The following THOC2 variants were observed in gnomAD, a reference collection of about 807,000 sequenced individuals.
The protein encoded by THOC2 is THO complex subunit 2.
In THOC2, 10 loss-of-function variants were observed where a neutral mutation model predicts 128.4. The observed-to-expected ratio is 0.08, with a 90% CI of 0.05 to 0.13. The LOEUF (loss-of-function observed/expected upper bound fraction) is 0.13, where lower values mean the gene tolerates loss of function less well. Among genes scored for constraint, THOC2 ranks in the 10% least tolerant of loss-of-function variants. The pLI, the probability that THOC2 is intolerant of heterozygous loss-of-function variation, is 1.00. For missense variants in THOC2, 535 were observed against 1,155.7 expected (o/e 0.46, Z 7.79); for synonymous variants, 393 against 396.9 (o/e 0.99, Z 0.12).
intron 12 of THOC2, among the ~76,000 whole-genome samples, chrX:123,647,840 C>CAAAAAAAAAAAAAAAAAAAAAAAAA (rs60123342): frequency 2.7e-5 from 1 of 37,516 alleles, no homozygotes. Flanking sequence ...GACTCTGTCT[C>CAAAAAAAAAAAAAAAAAAAAAAAAA]AAAAAAAAAA....
At chrX:123,662,604 A>G (rs987835270) in intron 12 of THOC2, among the ~76,000 whole-genome samples, 12 of 109,783 alleles carry the variant, frequency 1.1e-4, no homozygotes, top group Non-Finnish European at 1.9e-4. Context: ...AAAAAAAAAA[A>G]AAAAATACTA....
At chrX:123,605,778 A>G (rs753533606) in intron 38 of THOC2, among the ~76,000 whole-genome samples, 1 of 111,481 alleles carries the variant, frequency 9.0e-6, no homozygotes, top group African/African-American at 3.3e-5. Context: ...AATCTTCAGG[A>G]GCTTAGGAGG....
chrX:123,622,961 C>T, intron 29 of THOC2, 101 bp from the exon 30 acceptor site: 1 of 854,803 alleles, frequency 1.2e-6, no homozygotes, highest in Admixed American at 3.3e-5. Context: ...AAACAGCAAG[C>T]TGATTACTTC....
chrX:123,620,572 A>G (rs937786634), intron 32 of THOC2: 1 of 188,142 alleles, frequency 5.3e-6, no homozygotes, highest in African/African-American at 3.0e-5. Context: ...AATAGGCTTC[A>G]TTCTGCTGAA....
At chrX:123,605,466 A>G (rs2046430601) in intron 38 of THOC2, among the ~76,000 whole-genome samples, 1 of 111,487 alleles carries the variant, frequency 9.0e-6, no homozygotes, top group African/African-American at 3.3e-5. Flanking sequence ...AGCTCCTTAC[A>G]AGAGTCTAGT....
chrX:123,706,418 C>G (rs186385959), intron 3 of THOC2, among the ~76,000 whole-genome samples: 1 of 110,077 alleles, frequency 9.1e-6, no homozygotes, highest in Non-Finnish European at 1.9e-5. Flanking sequence ...ATGTGCACAA[C>G]GTGCAGGTTT....
chrX:123,635,115 G>A (rs940916743), intron 19 of THOC2, among the ~76,000 whole-genome samples: 10 of 110,692 alleles, frequency 9.0e-5, no homozygotes, highest in African/African-American at 2.9e-4. Flanking sequence ...TTTTTTTAAA[G>A]AAAGCCCTCA....
intron 33 of THOC2, among the ~76,000 whole-genome samples, chrX:123,618,934 G>T (rs977282533): frequency 1.8e-5 from 2 of 111,657 alleles, no homozygotes; most frequent in Non-Finnish European, 3.8e-5. Context: ...GATATATAAA[G>T]AATTTTTATA....
chrX:123,623,504 T>TC lies in THOC2; in HGVS notation c.3504-222_3504-221insG, dbSNP rs1298421332. On this transcript the variant is annotated intron_variant, in intron 28 of 38. Transcript: ENST00000245838. ...ACTAATCCTTAAACTAAGATGGCTT[T>TC]TTTTTTTTACTCTTGAAGATCTGTT... 12 of 573,247 alleles carry TC rather than the reference T, an allele frequency of 2.1e-5. No homozygotes were observed. The African/African-American group carries it at 2.6e-4, about 13-fold the overall frequency. The allele number at this position is 573,247 out of a possible 1,213,427, so 47.2% of individuals were successfully genotyped here.
intron 1 of THOC2, among the ~76,000 whole-genome samples, chrX:123,729,664 C>T (rs1777186139): frequency 8.9e-6 from 1 of 112,216 alleles, no homozygotes. Context: ...GAAAAATTCA[C>T]CCAAGGTATA....
rs767912178 is a variant in THOC2, at chrX:123,616,190, T to C, written c.4312-2001A>G. On this transcript the variant is annotated intron_variant, in intron 33 of 38. Coordinates refer to ENST00000245838, the MANE Select transcript of THOC2 (RefSeq NM_001081550.2). The stretch of plus-strand genomic sequence containing the variant: ...GCAACTCACTTTACATTATTTTATA[T>C]TTACCTTTTTTTTAGGACAAGTGCT... Among the ~76,000 whole-genome samples the C allele has an allele frequency of 7.2e-5, 8 of 111,115 alleles. No individual in the cohort carries two copies. The East Asian group carries it at 2.2e-3, about 31-fold the overall frequency.
chrX:123,687,731 T>C (rs2050058822), intron 7 of THOC2, among the ~76,000 whole-genome samples: 1 of 111,896 alleles, frequency 8.9e-6, no homozygotes, highest in East Asian at 2.8e-4. Context: ...AGCAATCACT[T>C]AGAAAACCAA....
chrX:123,695,989 A>C (rs2050435012), intron 7 of THOC2, 32 bp downstream of exon 7: 2 of 964,153 alleles, frequency 2.1e-6, no homozygotes, highest in Non-Finnish European at 2.9e-6. Flanking sequence ...TTGTTATCTT[A>C]ACAACACATA....
intron 12 of THOC2, among the ~76,000 whole-genome samples, chrX:123,649,682 G>A (rs776506476): frequency 1.3e-4 from 14 of 110,027 alleles, no homozygotes; most frequent in African/African-American, 4.0e-4. Flanking sequence ...TAGCCGAATC[G>A]ACCAAGCAGA....
intron 38 of THOC2, among the ~76,000 whole-genome samples, chrX:123,609,009 ATCTG>A (rs2046593593): frequency 8.9e-6 from 1 of 112,273 alleles, no homozygotes; most frequent in Admixed American, 9.4e-5. Context: ...AAAAACTCAA[ATCTG>A]TAGCATAACC....
intron 12 of THOC2, among the ~76,000 whole-genome samples, chrX:123,653,972 A>T (rs1260449232): frequency 8.9e-6 from 1 of 111,771 alleles, no homozygotes; most frequent in South Asian, 3.8e-4. Flanking sequence ...TTACTGCAGC[A>T]CTGTTCACAA....
At chrX:123,623,403 A>ATTGGT in intron 28 of THOC2, 120 bp from the exon 29 acceptor site, 1 of 771,681 alleles carries the variant, frequency 1.3e-6, no homozygotes, top group Non-Finnish European at 1.8e-6. Flanking sequence ...AGAATTAAAA[A>ATTGGT]ATACCAATTT....
chrX:123,664,335 C>T (rs2030796450), intron 12 of THOC2, among the ~76,000 whole-genome samples: 1 of 112,144 alleles, frequency 8.9e-6, no homozygotes, highest in Admixed American at 9.5e-5. Flanking sequence ...GCAATGGCAA[C>T]AAAAGCCAAA....
intron 38 of THOC2, among the ~76,000 whole-genome samples, chrX:123,608,343 G>A (rs2046563516): frequency 9.2e-6 from 1 of 109,096 alleles, no homozygotes; most frequent in Admixed American, 9.8e-5. Context: ...AGAGATTGCA[G>A]TGAACCAAGA....
Sources: allele counts gnomAD v4.1 joint callset (sites outside exome capture counted in the v4.1 genomes callset), GRCh38; gene constraint gnomAD v4.1.1; transcripts MANE v1.5; gene names NCBI Gene and HGNC (gene_info 2026-07-23, HGNC 2026-07-21).